MED27: variants seen among roughly 807,000 people sequenced by gnomAD.
MED27 encodes the protein mediator of RNA polymerase II transcription subunit 27.
Under a neutral mutation model 38.2 loss-of-function variants are expected in MED27, and 30 were observed. That is an observed-to-expected ratio of 0.79 (90% confidence interval 0.59 to 1.07). The LOEUF (loss-of-function observed/expected upper bound fraction) is 1.07. MED27 is among the 50% of genes least tolerant of loss of function. MED27 has a pLI of 0.00. For missense variants in MED27, 289 were observed against 397.5 expected, an observed-to-expected ratio of 0.73 and a Z score of 2.32; for synonymous variants, 122 against 153.5, an observed-to-expected ratio of 0.79 and a Z score of 1.52.
intron 3 of MED27, among the ~76,000 whole-genome samples, chr9:132,013,487 G>T (rs1832527056): frequency 6.6e-6 from 1 of 152,244 alleles, no homozygotes; most frequent in Non-Finnish European, 1.5e-5. Flanking sequence ...TGGCTACACG[G>T]ATGTACATGA....
At chr9:131,894,849 G>A (rs1376201642) in intron 4 of MED27, among the ~76,000 whole-genome samples, 1 of 152,116 alleles carries the variant, frequency 6.6e-6, no homozygotes, top group Non-Finnish European at 1.5e-5. Flanking sequence ...TTGGGTCAAG[G>A]AGGCGGATCC....
chr9:131,884,582 A>G (rs1436264029), intron 5 of MED27, among the ~76,000 whole-genome samples: 1 of 143,170 alleles, frequency 7.0e-6, no homozygotes, highest in Non-Finnish European at 1.5e-5. Context: ...TCTTTCCAGT[A>G]CCTGTTACCT....
intron 2 of MED27, among the ~76,000 whole-genome samples, chr9:132,021,806 TAGGAAG>T (rs140425154): frequency 0.029 from 4,449 of 152,138 alleles, 206 homozygotes; most frequent in African/African-American, 0.095. Flanking sequence ...AATGCCCTTA[TAGGAAG>T]AGGAAGAGGA....
At position 131,881,800 on chromosome 9, in the gene MED27, CTTTTTT is replaced by C. The variant is rs61624043; in HGVS notation, c.723+2252_723+2257del. Among the ~76,000 whole-genome samples the C allele has an allele frequency of 2.3e-3, 143 of 60,974 alleles. 1 individual carries two copies. The highest frequency in any genetic ancestry group is 7.8e-3 in the African/African-American group (133 of 17,092). The allele number at this position is 60,974 out of a possible 152,430, so 40.0% of individuals were successfully genotyped here. ...CCTCCCTCCCTTCCTTCTTCTTCTT[CTTTTTT>C]TTTTTTTTTTTTTTTTTTGATGTAG... On this transcript the variant is annotated intron_variant, in intron 6 of 7. Transcript: ENST00000292035.
chr9:131,951,684 C>G (rs1831000174), intron 3 of MED27, among the ~76,000 whole-genome samples: 1 of 152,222 alleles, frequency 6.6e-6, no homozygotes. Context: ...GCACATAAAG[C>G]ACTTAACACA....
chr9:132,037,281 G>A (rs1017298356), intron 2 of MED27, among the ~76,000 whole-genome samples: 16 of 152,142 alleles, frequency 1.1e-4, no homozygotes, highest in African/African-American at 2.4e-4. Context: ...CTATATTTAC[G>A]GTTACTATAC....
At chr9:131,993,904 C>T (rs571747795) in intron 3 of MED27, among the ~76,000 whole-genome samples, 52 of 152,160 alleles carry the variant, frequency 3.4e-4, no homozygotes, top group African/African-American at 1.3e-3. Flanking sequence ...CCAGTCTGAG[C>T]GGGTGTGTGT....
chr9:131,900,938 A>C (rs1486972383), intron 4 of MED27, among the ~76,000 whole-genome samples: 1 of 146,604 alleles, frequency 6.8e-6, no homozygotes, highest in Non-Finnish European at 1.5e-5. Flanking sequence ...AGGGAGAGAG[A>C]GGGAGGGAGA....
intron 2 of MED27, among the ~76,000 whole-genome samples, chr9:132,049,763 C>G (rs1190289890): frequency 6.6e-6 from 1 of 152,142 alleles, no homozygotes. Flanking sequence ...CAACTGTCTG[C>G]GAGACTGGCT....
chr9:132,077,314 A>G, intron 2 of MED27, 128 bp downstream of exon 2: 1 of 942,526 alleles, frequency 1.1e-6, no homozygotes, highest in South Asian at 1.8e-5. Context: ...ACAACTTCCA[A>G]CTCTATAACC....
intron 6 of MED27, among the ~76,000 whole-genome samples, chr9:131,877,388 A>G (rs1838955212): frequency 6.6e-6 from 1 of 152,138 alleles, no homozygotes; most frequent in African/African-American, 2.4e-5. Context: ...CAACATGGTG[A>G]AAATCTGTCT....
intron 2 of MED27, among the ~76,000 whole-genome samples, chr9:132,074,546 G>A (rs1834006374): frequency 6.6e-6 from 1 of 152,136 alleles, no homozygotes; most frequent in South Asian, 2.1e-4. Context: ...AACTCTTTGA[G>A]GGTAAAATGA....
At chr9:131,949,240 A>G (rs1830942038) in intron 3 of MED27, among the ~76,000 whole-genome samples, 1 of 152,178 alleles carries the variant, frequency 6.6e-6, no homozygotes, top group South Asian at 2.1e-4. Context: ...ATAGAAAACA[A>G]TTATGGCAGC....
At chr9:132,048,912 G>C (rs959845060) in intron 2 of MED27, among the ~76,000 whole-genome samples, 1 of 152,188 alleles carries the variant, frequency 6.6e-6, no homozygotes, top group Admixed American at 6.5e-5. Context: ...TTTAAGCACA[G>C]GTATAACTGC....
chr9:131,884,167 G>A, intron 5 of MED27, 68 bp from the exon 6 acceptor site: 2 of 1,260,032 alleles, frequency 1.6e-6, no homozygotes, highest in Non-Finnish European at 2.2e-6. Context: ...AAATAATATT[G>A]TAACTACTGT....
chr9:131,991,284 C>T (rs901680384), intron 3 of MED27, among the ~76,000 whole-genome samples: 12 of 152,214 alleles, frequency 7.9e-5, no homozygotes, highest in Admixed American at 5.9e-4. Context: ...AATTTTAAAG[C>T]AGAGTTATTA....
intron 4 of MED27, among the ~76,000 whole-genome samples, chr9:131,906,292 G>A (rs1248442393): frequency 6.6e-6 from 1 of 152,198 alleles, no homozygotes; most frequent in Non-Finnish European, 1.5e-5. Context: ...TATTTGGTCC[G>A]TATGGGGCTG....
Position 132,073,482 on chromosome 9 carries a change from G to T in MED27, c.348+3960C>A, listed in dbSNP as rs1479278965. 4.6e-5 allele frequency: 55 copies of T among 1,203,276 alleles called. 1 individual carries two copies. The South Asian group carries it at 1.8e-3, about 40-fold the overall frequency. The allele number at this position is 1,203,276 out of a possible 1,614,324, so 74.5% of individuals were successfully genotyped here. ...GATGGACATGGTGCCTCTCCCCTGA[G>T]CCTTATAGTTTACCCTTAATAGAGG... is the stretch of plus-strand genomic sequence containing the variant. On this transcript the variant is annotated intron_variant, in intron 2 of 7. Coordinates refer to ENST00000292035, the MANE Select transcript of MED27 (RefSeq NM_004269.4).
At chr9:131,874,112 C>A (rs1311685641) in intron 6 of MED27, among the ~76,000 whole-genome samples, 1 of 152,222 alleles carries the variant, frequency 6.6e-6, no homozygotes, top group Non-Finnish European at 1.5e-5. Flanking sequence ...CCCCCACCTT[C>A]CATGGCAGCA....
Sources: allele counts gnomAD v4.1 joint callset (sites outside exome capture counted in the v4.1 genomes callset), GRCh38; gene constraint gnomAD v4.1.1; transcripts MANE v1.5; gene names NCBI Gene and HGNC (gene_info 2026-07-23, HGNC 2026-07-21).